The following ERI3 variants were observed in gnomAD, a reference collection of about 807,000 sequenced individuals.
ERI3 encodes ERI1 exoribonuclease family member 3.
In ERI3, 18 loss-of-function variants were observed where a neutral mutation model predicts 44.4. The observed-to-expected ratio is 0.41, with a 90% CI of 0.28 to 0.60. The LOEUF is 0.60. Ranked by LOEUF, ERI3 falls within the 20% of genes least tolerant of loss-of-function variation. The pLI, the probability that ERI3 is intolerant of heterozygous loss-of-function variation, is 0.36. For missense variants in ERI3, 294 were observed against 435.5 expected (o/e 0.68, Z 2.89); for synonymous variants, 183 against 164.8 (o/e 1.11, Z -0.84).
chr1:44,340,281 C>T (rs918460950), intron 2 of ERI3, among the ~76,000 whole-genome samples: 2 of 152,156 alleles, frequency 1.3e-5, no homozygotes, highest in East Asian at 1.9e-4. Flanking sequence ...ATAACTCAAA[C>T]TTCCTTAAAA....
intron 2 of ERI3, among the ~76,000 whole-genome samples, chr1:44,348,299 T>C (rs890031999): frequency 1.3e-5 from 2 of 151,914 alleles, no homozygotes; most frequent in Non-Finnish European, 2.9e-5. Context: ...GGAATACCAT[T>C]AAAAGGATTA....
rs529704267 is a variant in ERI3, at chr1:44,341,258, C to T, written c.212-1936G>A. Among the ~76,000 whole-genome samples, 14 of 152,292 alleles carry T rather than the reference C, an allele frequency of 9.2e-5. No homozygotes were observed. The South Asian group carries it at 2.7e-3, about 29-fold the overall frequency. ...TTCCTCATCTGTAAAATGACAATAA[C>T]AATAGCACCTACTCCTTAAGTGAGA... On this transcript the variant is annotated intron_variant, in intron 2 of 8. Coordinates refer to ENST00000372257, the MANE Select transcript of ERI3 (RefSeq NM_024066.3).
At chr1:44,280,932 G>C (rs1645271645) in intron 7 of ERI3, among the ~76,000 whole-genome samples, 1 of 152,184 alleles carries the variant, frequency 6.6e-6, no homozygotes, top group Non-Finnish European at 1.5e-5. Flanking sequence ...ACATCTGTGT[G>C]CCAGGAACTA....
intron 7 of ERI3, among the ~76,000 whole-genome samples, chr1:44,256,129 G>A (rs772658565): frequency 1.1e-4 from 16 of 152,080 alleles, no homozygotes; most frequent in Non-Finnish European, 2.2e-4. Flanking sequence ...AGAAGCGAGA[G>A]GAGAAGGGGA....
At chr1:44,293,280 TG>T (rs1338708218) in intron 6 of ERI3, among the ~76,000 whole-genome samples, 1 of 152,258 alleles carries the variant, frequency 6.6e-6, no homozygotes, top group Admixed American at 6.5e-5. Context: ...TGGAGGGAGC[TG>T]GCTGAGCCCC....
rs1646976834 is a variant in ERI3 at position 44,355,187 on chromosome 1, G to C, written c.-161C>G. 1 of 1,201,396 alleles carries C rather than the reference G, an allele frequency of 8.3e-7. No individual in the cohort carries two copies. The highest frequency in any genetic ancestry group is 1.6e-5 in the African/African-American group (1 of 63,126). The allele number at this position is 1,201,396 out of a possible 1,614,324, so 74.4% of individuals were successfully genotyped here. On this transcript the variant is annotated 5_prime_UTR_variant, in exon 1 of 9. Transcript: ENST00000372257. ...GGCAGAGGCAGGGCCAGCTCCGCCCGCTCCCCACCGCCCGTTCCCGGCCGC... is the reference window on the plus strand; with the variant it reads ...GGCAGAGGCAGGGCCAGCTCCGCCCCCTCCCCACCGCCCGTTCCCGGCCGC...
intron 6 of ERI3, among the ~76,000 whole-genome samples, chr1:44,290,312 C>A (rs1416987036): frequency 1.3e-5 from 2 of 152,194 alleles, no homozygotes; most frequent in African/African-American, 4.8e-5. Flanking sequence ...CATGGAGGCA[C>A]AGAAGGCCCA....
rs59060823 is a variant in ERI3 at position 44,263,685 on chromosome 1, A to T, written c.832-15647T>A. Among the ~76,000 whole-genome samples the T allele has an allele frequency of 3.1e-3, 466 of 152,350 alleles. 4 individuals carry two copies. Among genetic ancestry groups the T allele is most frequent in the African/African-American group, 0.011 (445 of 41,572 alleles). ...TTGTGGCCCCACTCCTGAGAGGAGTATAGGCTTGGGCTCTGAGAAGAGAAG... is the reference window on the plus strand; with the variant it reads ...TTGTGGCCCCACTCCTGAGAGGAGTTTAGGCTTGGGCTCTGAGAAGAGAAG... On this transcript the variant is annotated intron_variant, in intron 7 of 8. Transcript: ENST00000372257.
At chr1:44,281,659 G>A (rs1240686865) in intron 7 of ERI3, among the ~76,000 whole-genome samples, 4 of 145,440 alleles carry the variant, frequency 2.8e-5, no homozygotes, top group South Asian at 2.2e-4. Flanking sequence ...ATATATATAT[G>A]TTTACCTGTG....
chr1:44,323,560 CCT>C (rs1254232929), intron 3 of ERI3, among the ~76,000 whole-genome samples: 2 of 152,230 alleles, frequency 1.3e-5, no homozygotes, highest in Non-Finnish European at 2.9e-5. Context: ...AAAGGTGGCT[CCT>C]CTCTCTGAGA....
intron 7 of ERI3, among the ~76,000 whole-genome samples, chr1:44,256,180 C>G (rs1456420456): frequency 1.3e-5 from 2 of 152,080 alleles, no homozygotes; most frequent in African/African-American, 2.4e-5. Context: ...TTCTACCAAG[C>G]CTGGAGGCCT....
At chr1:44,353,423 A>G (rs940003338) in intron 1 of ERI3, 1 of 985,476 alleles carries the variant, frequency 1.0e-6, no homozygotes, top group Non-Finnish European at 1.2e-6. Context: ...ATCCCAAGTC[A>G]AAACATCAAT....
At chr1:44,320,470 CA>C (rs1292271962) in intron 3 of ERI3, among the ~76,000 whole-genome samples, 10 of 152,230 alleles carry the variant, frequency 6.6e-5, no homozygotes, top group Middle Eastern at 3.4e-3. Context: ...TGCACAGCAC[CA>C]AGGTCCTGGT....
At chr1:44,288,818 G>C (rs1269974688) in intron 6 of ERI3, among the ~76,000 whole-genome samples, 2 of 151,946 alleles carry the variant, frequency 1.3e-5, no homozygotes, top group African/African-American at 4.8e-5. Flanking sequence ...GTGGGTATCA[G>C]TGGGTACATG....
chr1:44,252,262 G>A lies in ERI3; in HGVS notation c.832-4224C>T, dbSNP rs189052050. On this transcript the variant is annotated intron_variant, in intron 7 of 8. Transcript: ENST00000372257. This position sits in a 1 kb window ranked among gnomAD's most constrained non-coding sequence, Gnocchi z 4.7. ...CCTCAGCCCTGTGCCAGGCAGGCAC[G>A]CACACACGCTTCCCTTCCCCTGGGC... Among the ~76,000 whole-genome samples, 113 of 152,358 alleles carry A rather than the reference G, an allele frequency of 7.4e-4. No homozygotes were observed. The highest frequency in any genetic ancestry group is 1.2e-3 in the Non-Finnish European group (80 of 68,032).
intron 4 of ERI3, among the ~76,000 whole-genome samples, chr1:44,318,541 C>G (rs1557847599): frequency 6.6e-6 from 1 of 152,220 alleles, no homozygotes. Flanking sequence ...AGGCTAGGCG[C>G]CTTGGCAGAT....
intron 2 of ERI3, among the ~76,000 whole-genome samples, chr1:44,351,608 C>T (rs1646891585): frequency 6.6e-6 from 1 of 152,162 alleles, no homozygotes; most frequent in Non-Finnish European, 1.5e-5. Context: ...ACTATCTTAT[C>T]CATTACAGAA....
chr1:44,308,748 T>C (rs926718457), intron 5 of ERI3, among the ~76,000 whole-genome samples: 3 of 152,226 alleles, frequency 2.0e-5, no homozygotes, highest in African/African-American at 7.2e-5. Context: ...AGACAGGCTG[T>C]TGTCCTGGGG....
rs963949485 is a variant in ERI3, at chr1:44,253,963, A to C, written c.832-5925T>G. On this transcript the variant is annotated intron_variant, in intron 7 of 8. Transcript: ENST00000372257. The stretch of plus-strand genomic sequence containing the variant: ...CAGAAACCATGAGGGATAATACAAT[A>C]TTTGTTGTTATTTTAAGTCACTAAG... Among the ~76,000 whole-genome samples, 62 of 152,110 alleles carry C rather than the reference A, an allele frequency of 4.1e-4. 3 individuals are homozygous for C. Among genetic ancestry groups the C allele is most frequent in the Non-Finnish European group, 1.5e-5 (1 of 68,022 alleles).
Sources: gnomAD v4.1 joint callset for allele counts (sites outside exome capture counted in the v4.1 genomes callset) on GRCh38, gnomAD v4.1.1 for gene constraint, Gnocchi (gnomAD v3.1) non-coding constraint, MANE v1.5 for transcripts, NCBI Gene and HGNC (gene_info 2026-07-23, HGNC 2026-07-21) for gene names.